EIPR1: variants seen among roughly 807,000 people sequenced by gnomAD.
EIPR1 encodes EARP and GARP complex-interacting protein 1.
Under a neutral mutation model 48.1 loss-of-function variants are expected in EIPR1, and 25 were observed. That is an observed-to-expected ratio of 0.52 (90% CI 0.38 to 0.73). The LOEUF (loss-of-function observed/expected upper bound fraction) is 0.73, where lower values mean the gene tolerates loss of function less well. EIPR1 is among the 30% of genes least tolerant of loss of function. The pLI, the probability that EIPR1 is intolerant of heterozygous loss-of-function variation, is 0.00. For synonymous variants in EIPR1, 204 were observed against 201.9 expected (o/e 1.01, Z -0.09); for missense variants, 415 against 506.2 (o/e 0.82, Z 1.73).
intron 1 of EIPR1, 177 bp downstream of exon 1, chr2:3,377,471 A>G: frequency 1.4e-6 from 1 of 713,612 alleles, no homozygotes; most frequent in Middle Eastern, 2.5e-4. Context: ...CCTGTTATCC[A>G]GTACAACCGT....
At chr2:3,330,807 CAG>C (rs977087065) in intron 3 of EIPR1, among the ~76,000 whole-genome samples, 1 of 143,034 alleles carries the variant, frequency 7.0e-6, no homozygotes, top group Non-Finnish European at 1.5e-5. Context: ...ATGGTGTGAG[CAG>C]AGACAGGCAC....
intron 3 of EIPR1, among the ~76,000 whole-genome samples, chr2:3,281,050 C>T (rs1038760819): frequency 1.3e-5 from 2 of 152,122 alleles, no homozygotes; most frequent in Non-Finnish European, 2.9e-5. Flanking sequence ...GCACCATACC[C>T]ACCCCCATCC....
intron 3 of EIPR1, among the ~76,000 whole-genome samples, chr2:3,299,500 G>A (rs1231952130): frequency 2.0e-5 from 3 of 152,130 alleles, no homozygotes; most frequent in African/African-American, 4.8e-5. Context: ...CCTTGGATTA[G>A]ATTGGCTTTT....
In EIPR1 at chr2:3,293,836, C is replaced by T. The variant is rs768392934; in HGVS notation, c.260-36381G>A. Among the ~76,000 whole-genome samples the T allele has an allele frequency of 9.9e-5, 15 of 152,074 alleles. No homozygotes were observed. The South Asian group carries it at 1.9e-3, about 19-fold the overall frequency. ...AGACAATTTTGAATTTGTCTGTCGC[C>T]GAACACGTTAATGTCTAAACATGTC... On this transcript the variant is annotated intron_variant, in intron 3 of 8. Transcript: ENST00000382125.
chr2:3,214,034 G>A (rs1665542987), intron 5 of EIPR1, 115 bp downstream of exon 5: 3 of 864,268 alleles, frequency 3.5e-6, no homozygotes, highest in Admixed American at 4.5e-5. Flanking sequence ...GGTGTGTGAT[G>A]TTCCCCACCC....
intron 3 of EIPR1, among the ~76,000 whole-genome samples, chr2:3,334,299 T>C (rs759334975): frequency 1.4e-4 from 21 of 152,264 alleles, no homozygotes; most frequent in African/African-American, 2.2e-4. Context: ...ATTTAAGCAA[T>C]GCCGTCTAAT....
intron 1 of EIPR1, among the ~76,000 whole-genome samples, chr2:3,361,525 T>C (rs1670850677): frequency 6.6e-6 from 1 of 151,026 alleles, no homozygotes; most frequent in Admixed American, 6.6e-5. Flanking sequence ...ACTACTGCCC[T>C]ATCTCTGTCC....
chr2:3,355,846 A>AAAATAAAATG (rs765994269), intron 1 of EIPR1, among the ~76,000 whole-genome samples: 83 of 124,420 alleles, frequency 6.7e-4, no homozygotes, highest in Non-Finnish European at 1.3e-3. Context: ...TAAAATGAAT[A>AAAATAAAATG]AATAATTAAA....
chr2:3,280,631 C>T lies in EIPR1; in HGVS notation c.260-23176G>A, dbSNP rs1395516412. On this transcript the variant is annotated intron_variant, in intron 3 of 8. Transcript: ENST00000382125. ...CTTGTCTAAGTCAGCTACAAGTATC[C>T]GCTCTGATTTTAACATCAGCAGGCC... Among the ~76,000 whole-genome samples the T allele has an allele frequency of 3.9e-5, 6 of 152,188 alleles. No homozygotes were observed. In the South Asian group the frequency reaches 8.3e-4, roughly 21 times the overall value.
chr2:3,235,438 A>G (rs6548138), intron 4 of EIPR1, among the ~76,000 whole-genome samples: 145,755 of 152,048 alleles, frequency 0.96, 70,081 homozygotes, highest in Non-Finnish European at 1. Flanking sequence ...ACACACACAC[A>G]CGCGTGCGCG....
chr2:3,220,041 G>T (rs1250772241), intron 4 of EIPR1, among the ~76,000 whole-genome samples: 1 of 152,196 alleles, frequency 6.6e-6, no homozygotes, highest in Non-Finnish European at 1.5e-5. Flanking sequence ...TGTGAACTGT[G>T]CATGAGAGGG....
chr2:3,191,850 A>G (rs190575406), intron 8 of EIPR1, among the ~76,000 whole-genome samples: 13 of 152,336 alleles, frequency 8.5e-5, no homozygotes, highest in Admixed American at 7.2e-4. Context: ...ATCCAGAACC[A>G]TGATGGTGTG....
intron 3 of EIPR1, among the ~76,000 whole-genome samples, chr2:3,299,285 C>T (rs986977600): frequency 2.0e-5 from 3 of 152,040 alleles, no homozygotes; most frequent in African/African-American, 7.2e-5. Flanking sequence ...ATTGTCCTGG[C>T]CCCCCGTCCT....
chr2:3,193,183 C>G (rs745997), intron 7 of EIPR1, among the ~76,000 whole-genome samples: 39,768 of 152,232 alleles, frequency 0.26, 6,574 homozygotes, highest in Non-Finnish European at 0.38. Context: ...GCCAGGGGCA[C>G]AGGGAGGCCC....
At chr2:3,325,267 G>A (rs867510015) in intron 3 of EIPR1, among the ~76,000 whole-genome samples, 14 of 152,332 alleles carry the variant, frequency 9.2e-5, no homozygotes, top group Middle Eastern at 3.4e-3. Flanking sequence ...CCTGTGCAGC[G>A]AGCCTGTGCA....
intron 5 of EIPR1, among the ~76,000 whole-genome samples, chr2:3,198,899 C>A (rs56136321): frequency 6.6e-6 from 1 of 152,198 alleles, no homozygotes; most frequent in Non-Finnish European, 1.5e-5. Context: ...TGATAAACAT[C>A]TTAACAGGGT....
At chr2:3,351,004 A>ATTTTTT (rs71396979) in intron 2 of EIPR1, among the ~76,000 whole-genome samples, 21,649 of 134,848 alleles carry the variant, frequency 0.16, 1,920 homozygotes, top group Non-Finnish European at 0.21. Flanking sequence ...ATTTTGGGCG[A>ATTTTTT]TTTTTTTTTT....
intron 4 of EIPR1, among the ~76,000 whole-genome samples, chr2:3,234,973 ACTC>A (rs1488655019): frequency 6.6e-6 from 1 of 152,140 alleles, no homozygotes; most frequent in Non-Finnish European, 1.5e-5. Flanking sequence ...TAGGAACTTG[ACTC>A]CTCAAGAAAA....
intron 3 of EIPR1, among the ~76,000 whole-genome samples, chr2:3,258,750 C>T (rs1365039160): frequency 6.6e-6 from 1 of 152,078 alleles, no homozygotes; most frequent in Non-Finnish European, 1.5e-5. Flanking sequence ...AGACTTCAAC[C>T]AGGATTTTCT....
Sources: allele counts gnomAD v4.1 joint callset (sites outside exome capture counted in the v4.1 genomes callset), GRCh38; gene constraint gnomAD v4.1.1; transcripts MANE v1.5; gene names NCBI Gene and HGNC (gene_info 2026-07-23, HGNC 2026-07-21).